The following SAMTOR variants were observed in gnomAD, a reference collection of about 807,000 sequenced individuals.
SAMTOR encodes UPF0532 protein C7orf60.
At chr7:112,877,182 G>A in the SAMTOR span, among the ~76,000 whole-genome samples, 2 of 152,114 alleles carry the variant, frequency 1.3e-5, no homozygotes, top group African/African-American at 2.4e-5. Context: ...ATTTACTGAG[G>A]GCCTAGTATG....
At chr7:112,895,138 C>G in the SAMTOR span, among the ~76,000 whole-genome samples, 35 of 151,538 alleles carry the variant, frequency 2.3e-4, no homozygotes, top group Admixed American at 2.3e-3. Flanking sequence ...TTGTATTTTG[C>G]TGTTTTGATT....
chr7:112,872,836 G>C, the SAMTOR span, among the ~76,000 whole-genome samples: 1 of 151,118 alleles, frequency 6.6e-6, no homozygotes, highest in African/African-American at 2.4e-5. Flanking sequence ...TAAAAAATCA[G>C]TAGCATTTCT....
chr7:112,846,026 G>GA, the SAMTOR span, among the ~76,000 whole-genome samples: 3 of 151,656 alleles, frequency 2.0e-5, no homozygotes, highest in Non-Finnish European at 4.4e-5. Flanking sequence ...GACATAAAGA[G>GA]AAAAACAACA....
the SAMTOR span, among the ~76,000 whole-genome samples, chr7:112,862,182 C>G: frequency 6.6e-6 from 1 of 152,080 alleles, no homozygotes; most frequent in African/African-American, 2.4e-5. Flanking sequence ...TTGAGCCCAG[C>G]AGGTGGAGGT....
At chr7:112,820,792 T>A in the SAMTOR span, 1 of 152,020 alleles carries the variant, frequency 6.6e-6, no homozygotes, top group Non-Finnish European at 1.5e-5. Flanking sequence ...TTTAGGTTTT[T>A]CCATATAATT....
At chr7:112,897,028 T>C in the SAMTOR span, among the ~76,000 whole-genome samples, 1 of 152,110 alleles carries the variant, frequency 6.6e-6, no homozygotes, top group South Asian at 2.1e-4. Flanking sequence ...ACCCTGAGCC[T>C]AGTGCACACA....
chr7:112,920,401 C>G, the SAMTOR span, among the ~76,000 whole-genome samples: 43 of 141,338 alleles, frequency 3.0e-4, no homozygotes, highest in South Asian at 4.7e-4. Context: ...ATTCAACAAC[C>G]CTTCATGCTA....
At chr7:112,912,105 G>T in the SAMTOR span, among the ~76,000 whole-genome samples, 1 of 151,768 alleles carries the variant, frequency 6.6e-6, no homozygotes, top group African/African-American at 2.4e-5. Context: ...AAGTATTTTA[G>T]AAAATTAGAT....
the SAMTOR span, among the ~76,000 whole-genome samples, chr7:112,934,040 G>A: frequency 3.9e-5 from 6 of 152,158 alleles, no homozygotes; most frequent in South Asian, 4.2e-4. Context: ...ATAATTTTAC[G>A]TTTTCTTGAG....
the SAMTOR span, among the ~76,000 whole-genome samples, chr7:112,892,630 G>T: frequency 6.6e-6 from 1 of 151,922 alleles, no homozygotes; most frequent in Non-Finnish European, 1.5e-5. Flanking sequence ...AAGTTAGCTG[G>T]GCATGGTGGT....
the SAMTOR span, among the ~76,000 whole-genome samples, chr7:112,832,215 A>G: frequency 1.3e-5 from 2 of 151,916 alleles, no homozygotes. Flanking sequence ...GGGTTTCACC[A>G]TGTTGGCCAG....
chr7:112,921,733 A>C, the SAMTOR span, among the ~76,000 whole-genome samples: 1 of 104,746 alleles, frequency 9.5e-6, no homozygotes, highest in African/African-American at 3.9e-5. Context: ...TCTACAATGA[A>C]CTCAAACAAA....
chr7:112,927,288 G>A, the SAMTOR span, among the ~76,000 whole-genome samples: 16,560 of 151,638 alleles, frequency 0.11, 1,218 homozygotes, highest in Middle Eastern at 0.31. Context: ...TTAGTTATTA[G>A]GTCAACTAAT....
At chr7:112,932,146 C>T in the SAMTOR span, among the ~76,000 whole-genome samples, 48 of 152,080 alleles carry the variant, frequency 3.2e-4, no homozygotes, top group Non-Finnish European at 5.7e-4. Context: ...AGGATGGTCT[C>T]TATCTCTTGA....
At chr7:112,882,390 C>T in the SAMTOR span, among the ~76,000 whole-genome samples, 1 of 152,146 alleles carries the variant, frequency 6.6e-6, no homozygotes, top group Non-Finnish European at 1.5e-5. Flanking sequence ...GATCCAAAGA[C>T]ATTATGTTAA....
chr7:112,864,077 A>T, the SAMTOR span, among the ~76,000 whole-genome samples: 1 of 152,246 alleles, frequency 6.6e-6, no homozygotes, highest in Admixed American at 6.5e-5. Context: ...CTATAAAAAA[A>T]TGAGATCATA....
chr7:112,925,462 T>C, the SAMTOR span, among the ~76,000 whole-genome samples: 1 of 152,196 alleles, frequency 6.6e-6, no homozygotes, highest in Non-Finnish European at 1.5e-5. Flanking sequence ...AAAACAAACA[T>C]ATTTTCTTTT....
chr7:112,842,607 TA>T, the SAMTOR span, among the ~76,000 whole-genome samples: 1 of 151,982 alleles, frequency 6.6e-6, no homozygotes, highest in African/African-American at 2.4e-5. Context: ...TAAAGTAAAA[TA>T]AGTAAACAGA....
chr7:112,822,215 A>G, the SAMTOR span: 2 of 1,613,770 alleles, frequency 1.2e-6, no homozygotes, highest in Non-Finnish European at 8.5e-7. Flanking sequence ...GAGATGGAAA[A>G]TAAGAAAGAA....
Sources: allele counts gnomAD v4.1 joint callset (sites outside exome capture counted in the v4.1 genomes callset), GRCh38; gene constraint gnomAD v4.1.1; transcripts MANE v1.5; gene names NCBI Gene and HGNC (gene_info 2026-07-23, HGNC 2026-07-21).